Variants in CAB39 observed in about 807,000 individuals in gnomAD.
CAB39 encodes the protein calcium binding protein 39, also known as calcium-binding protein 39.
A neutral mutation model predicts 40.0 loss-of-function variants in CAB39; 8 were observed. That is an observed-to-expected ratio of 0.20 (90% CI 0.12 to 0.36). The LOEUF (loss-of-function observed/expected upper bound fraction) is 0.36. Among genes scored for constraint, CAB39 ranks in the 10% least tolerant of loss-of-function variants. CAB39 has a pLI of 1.00. For synonymous variants in CAB39, 156 were observed against 141.6 expected (o/e 1.10, Z -0.72); for missense variants, 270 against 401.1 (o/e 0.67, Z 2.79).
At chr2:230,808,051 T>TTTTTC (rs139203634) in intron 5 of CAB39, among the ~76,000 whole-genome samples, 53 of 148,008 alleles carry the variant, frequency 3.6e-4, no homozygotes, top group South Asian at 6.3e-4. Flanking sequence ...CCAGGCACTT[T>TTTTTC]TTTTCTTTTC....
chr2:230,783,608 C>T, intron 2 of CAB39, among the ~76,000 whole-genome samples: 1 of 147,976 alleles, frequency 6.8e-6, no homozygotes, highest in East Asian at 2.1e-4. Context: ...AAGCAATCCT[C>T]CCACCTCAGC....
At position 230,713,250 on chromosome 2, in the gene CAB39, C is replaced by G. The variant is rs937020686; in HGVS notation, c.-44+20C>G. 1 of 152,240 alleles carries G rather than the reference C, an allele frequency of 6.6e-6. No homozygotes were observed. The highest frequency in any genetic ancestry group is 6.5e-5 in the Admixed American group (1 of 15,272). 9.4% of individuals were successfully genotyped at this position (152,240 alleles called of 1,614,324 possible). ...AGCCCCGTGAGTGACCCCCGGCCGG[C>G]CCTGCTCGTGGTGCGGACGCCTGCC... is the stretch of plus-strand genomic sequence containing the variant. On this transcript the variant is annotated intron_variant, in intron 1 of 8. Transcript: ENST00000258418.
At chr2:230,799,382 C>T (rs1313256564) in intron 5 of CAB39, among the ~76,000 whole-genome samples, 1 of 152,236 alleles carries the variant, frequency 6.6e-6, no homozygotes, top group Non-Finnish European at 1.5e-5. Context: ...TCTCCCATCT[C>T]TGCTCACACT....
intron 1 of CAB39, among the ~76,000 whole-genome samples, chr2:230,744,362 C>T (rs570622490): frequency 1.4e-4 from 22 of 152,296 alleles, no homozygotes; most frequent in East Asian, 1.2e-3. Context: ...GGCACGATCT[C>T]GGCTCACTGC....
chr2:230,718,734 A>G (rs765914162), intron 1 of CAB39, among the ~76,000 whole-genome samples: 2 of 152,194 alleles, frequency 1.3e-5, no homozygotes, highest in Non-Finnish European at 2.9e-5. Flanking sequence ...TTAGAACTTC[A>G]GAAACAACCT....
chr2:230,743,357 T>C (rs1452065924), intron 1 of CAB39, among the ~76,000 whole-genome samples: 1 of 152,094 alleles, frequency 6.6e-6, no homozygotes, highest in Non-Finnish European at 1.5e-5. Flanking sequence ...TTTGCTGAAA[T>C]AGTTAAAAAG....
intron 1 of CAB39, among the ~76,000 whole-genome samples, chr2:230,742,435 A>G (rs916646187): frequency 1.3e-5 from 2 of 152,072 alleles, no homozygotes; most frequent in Non-Finnish European, 2.9e-5. Flanking sequence ...TCGGCCTCCC[A>G]CAGTGCTGGG....
At position 230,812,831 on chromosome 2, in the gene CAB39, T is replaced by C. The variant is rs1696328140; in HGVS notation, c.628-1218T>C. On this transcript the variant is annotated intron_variant, in intron 6 of 8. Transcript: ENST00000258418. ...TCTCTGTTGACTCTCCTGTCTGTTGTTCTATGAAAGCAGCTGTAAATAATA... is the reference window on the plus strand; with the variant it reads ...TCTCTGTTGACTCTCCTGTCTGTTGCTCTATGAAAGCAGCTGTAAATAATA... Among the ~76,000 whole-genome samples, 3 of 152,344 alleles carry C rather than the reference T, an allele frequency of 2.0e-5. No individual in the cohort carries two copies. In the South Asian group the frequency reaches 6.2e-4, roughly 32 times the overall value.
intron 1 of CAB39, among the ~76,000 whole-genome samples, chr2:230,721,261 T>A (rs1358429748): frequency 6.6e-6 from 1 of 152,052 alleles, no homozygotes; most frequent in East Asian, 1.9e-4. Context: ...CGAAACCATG[T>A]CTCTACTAAA....
intron 1 of CAB39, among the ~76,000 whole-genome samples, chr2:230,723,419 C>T (rs1207753325): frequency 1.3e-5 from 2 of 152,256 alleles, no homozygotes; most frequent in South Asian, 2.1e-4. Context: ...CCCCCAAACA[C>T]AGGAAGACAA....
intron 1 of CAB39, among the ~76,000 whole-genome samples, chr2:230,743,553 T>C (rs1694920319): frequency 1.3e-5 from 2 of 152,246 alleles, no homozygotes; most frequent in African/African-American, 4.8e-5. Context: ...CCAAGCTACA[T>C]TAATATAGAA....
At chr2:230,723,976 G>A (rs754651141) in intron 1 of CAB39, among the ~76,000 whole-genome samples, 3 of 152,160 alleles carry the variant, frequency 2.0e-5, no homozygotes, top group African/African-American at 4.8e-5. Flanking sequence ...TGGCGTGGTG[G>A]CTCGCACCTG....
intron 3 of CAB39, among the ~76,000 whole-genome samples, chr2:230,791,378 A>G (rs1193975267): frequency 1.3e-5 from 2 of 152,232 alleles, no homozygotes; most frequent in East Asian, 3.8e-4. Flanking sequence ...TTCAAGGAAT[A>G]AACAATCTAA....
intron 4 of CAB39, among the ~76,000 whole-genome samples, chr2:230,796,610 A>G (rs1431782111): frequency 6.6e-6 from 1 of 152,116 alleles, no homozygotes; most frequent in African/African-American, 2.4e-5. Flanking sequence ...GCCGGTCAGC[A>G]TTCTAGCTGC....
At chr2:230,715,770 A>T (rs1224928790) in intron 1 of CAB39, among the ~76,000 whole-genome samples, 1 of 152,178 alleles carries the variant, frequency 6.6e-6, no homozygotes, top group African/African-American at 2.4e-5. Flanking sequence ...TGGTGCGAAC[A>T]TGGCTCACTG....
chr2:230,789,812 T>C (rs1257020422), intron 2 of CAB39, among the ~76,000 whole-genome samples: 1 of 152,200 alleles, frequency 6.6e-6, no homozygotes, highest in Non-Finnish European at 1.5e-5. Context: ...GGAGAACACC[T>C]CTTCTGGCTG....
At chr2:230,719,446 G>A (rs1377271099) in intron 1 of CAB39, among the ~76,000 whole-genome samples, 4 of 152,146 alleles carry the variant, frequency 2.6e-5, no homozygotes, top group South Asian at 2.1e-4. Flanking sequence ...AAATAGATCC[G>A]AATTTGGATT....
At chr2:230,809,134 GC>G (rs1462594605) in intron 5 of CAB39, among the ~76,000 whole-genome samples, 1 of 152,172 alleles carries the variant, frequency 6.6e-6, no homozygotes, top group Non-Finnish European at 1.5e-5. Flanking sequence ...CTGTACAGAG[GC>G]CCTTTCGGGA....
At chr2:230,721,321 C>T (rs1694448521) in intron 1 of CAB39, among the ~76,000 whole-genome samples, 1 of 152,148 alleles carries the variant, frequency 6.6e-6, no homozygotes, top group African/African-American at 2.4e-5. Flanking sequence ...ATCCCAGCTA[C>T]TTAGAAGGCT....
Sources: allele counts gnomAD v4.1 joint callset (sites outside exome capture counted in the v4.1 genomes callset), GRCh38; gene constraint gnomAD v4.1.1; transcripts MANE v1.5; gene names NCBI Gene and HGNC (gene_info 2026-07-23, HGNC 2026-07-21).